RAD51B: variants seen among roughly 807,000 people sequenced by gnomAD.
RAD51B encodes the protein RAD51 paralog B, also known as DNA repair protein RAD51 homolog 2.
Under a neutral mutation model 42.2 loss-of-function variants are expected in RAD51B, and 38 were observed. The ratio of observed to expected loss-of-function variants is 0.90; its 90% CI spans 0.70 to 1.18. The LOEUF (loss-of-function observed/expected upper bound fraction) is 1.18, where lower values mean the gene tolerates loss of function less well. Among genes scored for constraint, RAD51B ranks in the 50% most tolerant of loss-of-function variants. The probability of loss-of-function intolerance (pLI) is 0.00; values close to 1 mark genes in which losing one functional copy is unlikely to be tolerated. For synonymous variants in RAD51B, 154 were observed against 145.2 expected (o/e 1.06, Z -0.43); for missense variants, 373 against 400.7 (o/e 0.93, Z 0.59).
chr14:68,012,289 C>T (rs2075697055), intron 7 of RAD51B, among the ~76,000 whole-genome samples: 1 of 152,032 alleles, frequency 6.6e-6, no homozygotes, highest in Non-Finnish European at 1.5e-5. Context: ...TTAATTTAAA[C>T]TTATAGTATT....
chr14:68,188,459 G>C (rs1046557761), intron 7 of RAD51B, among the ~76,000 whole-genome samples: 1 of 150,604 alleles, frequency 6.6e-6, no homozygotes, highest in South Asian at 2.1e-4. Context: ...AGGTAAGAAA[G>C]AGTTTTTTGG....
chr14:67,948,737 C>G (rs1204954844), intron 7 of RAD51B, among the ~76,000 whole-genome samples: 30 of 151,852 alleles, frequency 2.0e-4, no homozygotes, highest in Admixed American at 2.0e-3. Context: ...CGAGACCATC[C>G]TGGCTAACAT....
intron 7 of RAD51B, among the ~76,000 whole-genome samples, chr14:67,961,781 A>G (rs1049961538): frequency 2.0e-5 from 3 of 152,118 alleles, no homozygotes; most frequent in Non-Finnish European, 4.4e-5. Context: ...TTAAATTTGC[A>G]TGTGTCTGTC....
chr14:67,827,147 G>A (rs568431878), intron 3 of RAD51B, among the ~76,000 whole-genome samples: 39 of 152,188 alleles, frequency 2.6e-4, no homozygotes, highest in Admixed American at 8.5e-4. Flanking sequence ...GGAGAAAACA[G>A]AAGTTAAAAT....
At position 68,072,212 on chromosome 14, in the gene RAD51B, A is replaced by T. The variant is rs539129718; in HGVS notation, c.756+185008A>T. On this transcript the variant is annotated intron_variant, in intron 7 of 10. Coordinates refer to ENST00000471583, the MANE Select transcript of RAD51B (RefSeq NM_133510.4). ...TAGGTTTCTAGGTTTTCTAGGTTTTATATATATATATAAAATAAACTCCTA... is the reference window on the plus strand; with the variant it reads ...TAGGTTTCTAGGTTTTCTAGGTTTTTTATATATATATAAAATAAACTCCTA... Among the ~76,000 whole-genome samples, 65 of 142,126 alleles carry T rather than the reference A, an allele frequency of 4.6e-4. 1 individual carries two copies. Among genetic ancestry groups the T allele is most frequent in the Non-Finnish European group, 9.1e-4 (60 of 66,016 alleles). 93.2% of individuals were successfully genotyped at this position (142,126 alleles called of 152,430 possible). A position where few individuals can be genotyped will look rare whatever the true frequency, so the allele number is the denominator to read the frequency against.
intron 7 of RAD51B, among the ~76,000 whole-genome samples, chr14:68,029,112 GGTA>G: frequency 6.6e-6 from 1 of 152,274 alleles, no homozygotes; most frequent in African/African-American, 2.4e-5. Flanking sequence ...CTAGGCTTTG[GGTA>G]GCTCACACAG....
chr14:68,577,407 C>T (rs1337838546), intron 10 of RAD51B, among the ~76,000 whole-genome samples: 2 of 152,052 alleles, frequency 1.3e-5, no homozygotes, highest in South Asian at 2.1e-4. Context: ...AAAGGAATAA[C>T]CAAGAACAAC....
Position 67,864,961 on chromosome 14 carries a change from CTTTTTTTTTTTT to C in RAD51B, c.316-14_316-3del, listed in dbSNP as rs745505141. On this transcript the variant is annotated intron_variant, in intron 4 of 10. Coordinates refer to ENST00000471583, the MANE Select transcript of RAD51B (RefSeq NM_133510.4). Reference sequence around the variant, plus strand: ...TGGCTTGTGATGTTTATCTAAAAAACTTTTTTTTTTTTTTTTTTTTTTTTTTTTTTTTTTTTT... The same window carrying C: ...TGGCTTGTGATGTTTATCTAAAAAACTTTTTTTTTTTTTTTTTTTTTTTTT... 4.6e-4 allele frequency: 299 copies of C among 645,034 alleles called. 12 individuals carry two copies. The East Asian group carries it at 5.5e-3, about 12-fold the overall frequency. The allele number at this position is 645,034 out of a possible 1,614,324, so 40.0% of individuals were successfully genotyped here. A position where few individuals can be genotyped will look rare whatever the true frequency, so the allele number is the denominator to read the frequency against.
At position 68,241,680 on chromosome 14, in the gene RAD51B, T is replaced by A. The variant is rs749358555; in HGVS notation, c.757-50204T>A. 7.9e-5 allele frequency among the ~76,000 whole-genome samples: 12 copies of A among 152,274 alleles called. 1 individual carries two copies. Among genetic ancestry groups the A allele is most frequent in the South Asian group, 2.1e-4 (1 of 4,824 alleles). ...TAGTTCTCAGGTTTTATTTTTTTTT[T>A]AAATAGTTAAAAAGTAGTTTCTGCC... On this transcript the variant is annotated intron_variant, in intron 7 of 10. Coordinates refer to ENST00000471583, the MANE Select transcript of RAD51B (RefSeq NM_133510.4).
intron 7 of RAD51B, among the ~76,000 whole-genome samples, chr14:68,176,363 G>A (rs1194138006): frequency 6.6e-6 from 1 of 152,138 alleles, no homozygotes. Context: ...TCCAAAACCT[G>A]TACTCTTAAT....
At chr14:68,336,859 CT>C (rs1254502563) in intron 8 of RAD51B, among the ~76,000 whole-genome samples, 4 of 152,156 alleles carry the variant, frequency 2.6e-5, no homozygotes, top group African/African-American at 9.7e-5. Flanking sequence ...GTCCCCAGTG[CT>C]TTTAACCAAA....
chr14:68,239,651 T>C (rs749452564), intron 7 of RAD51B, among the ~76,000 whole-genome samples: 8 of 152,168 alleles, frequency 5.3e-5, no homozygotes, highest in African/African-American at 1.9e-4. Flanking sequence ...AGCCCAGCCC[T>C]GTGGTACTGC....
At chr14:68,641,223 C>T (rs1001515399) in intron 10 of RAD51B, among the ~76,000 whole-genome samples, 1 of 152,102 alleles carries the variant, frequency 6.6e-6, no homozygotes, top group African/African-American at 2.4e-5. Context: ...ATATGCCAGC[C>T]CTGTCCTACG....
chr14:68,033,331 A>G (rs1037025466), intron 7 of RAD51B, among the ~76,000 whole-genome samples: 5 of 152,236 alleles, frequency 3.3e-5, no homozygotes, highest in African/African-American at 1.2e-4. Flanking sequence ...GCTTTTCAGC[A>G]CATGCTCTTA....
chr14:68,242,608 C>T (rs927830050), intron 7 of RAD51B, among the ~76,000 whole-genome samples: 3 of 152,122 alleles, frequency 2.0e-5, no homozygotes, highest in African/African-American at 7.2e-5. Context: ...ATATACTTTT[C>T]AAGTACCTGC....
rs914575461 is a variant in RAD51B at position 68,212,876 on chromosome 14, G to A, written c.757-79008G>A. ...AGTTCATCTTATTGGTTATGGAAATGTCAAGGGATAGATTTTTATTTCTGG... is the reference window on the plus strand; with the variant it reads ...AGTTCATCTTATTGGTTATGGAAATATCAAGGGATAGATTTTTATTTCTGG... On this transcript the variant is annotated intron_variant, in intron 7 of 10. Transcript: ENST00000471583. Among the ~76,000 whole-genome samples the A allele has an allele frequency of 1.8e-4, 27 of 152,150 alleles. 1 individual carries two copies. Among genetic ancestry groups the A allele is most frequent in the Non-Finnish European group, 1.5e-5 (1 of 68,024 alleles).
intron 8 of RAD51B, among the ~76,000 whole-genome samples, chr14:68,354,249 G>A (rs1299296186): frequency 8.1e-6 from 1 of 123,204 alleles, no homozygotes; most frequent in Admixed American, 9.9e-5. Flanking sequence ...ATGGAGTCTC[G>A]CTCTGTTGCC....
At chr14:68,652,551 C>G (rs928943485) in intron 11 of RAD51B, among the ~76,000 whole-genome samples, 1 of 152,246 alleles carries the variant, frequency 6.6e-6, no homozygotes, top group African/African-American at 2.4e-5. Flanking sequence ...GCCCAACCTT[C>G]ACTTACTCGC....
chr14:68,139,489 C>G (rs1000211383), intron 7 of RAD51B, among the ~76,000 whole-genome samples: 2 of 152,010 alleles, frequency 1.3e-5, no homozygotes, highest in Non-Finnish European at 2.9e-5. Flanking sequence ...TTTTCAAAAC[C>G]CTTTGATTGA....
Sources: gnomAD v4.1 joint callset for allele counts (sites outside exome capture counted in the v4.1 genomes callset) on GRCh38, gnomAD v4.1.1 for gene constraint, MANE v1.5 for transcripts, NCBI Gene and HGNC (gene_info 2026-07-23, HGNC 2026-07-21) for gene names.